FARP1: variants seen among roughly 807,000 people sequenced by gnomAD.
FARP1 encodes FERM, ARH/RhoGEF and pleckstrin domain protein 1.
FARP1 carries 52 observed loss-of-function variants against 128.8 expected under a neutral mutation model. That is an observed-to-expected ratio of 0.40 (90% CI 0.32 to 0.51). The LOEUF is 0.51. Among genes scored for constraint, FARP1 ranks in the 20% least tolerant of loss-of-function variants. The probability of loss-of-function intolerance (pLI) is 0.45; values close to 1 mark genes in which losing one functional copy is unlikely to be tolerated. For synonymous variants in FARP1, 580 were observed against 551.8 expected, an observed-to-expected ratio of 1.05 and a Z score of -0.72; for missense variants, 1,333 against 1,367.9, an observed-to-expected ratio of 0.97 and a Z score of 0.40.
intron 2 of FARP1, chr13:98,244,941 C>T (rs1405625434): frequency 1.5e-6 from 2 of 1,335,794 alleles, no homozygotes; most frequent in Non-Finnish European, 1.9e-6. Flanking sequence ...GATTTGGTGC[C>T]TCTTAAAGGG....
chr13:98,239,395 G>C (rs1248624380), intron 2 of FARP1, among the ~76,000 whole-genome samples: 2 of 152,274 alleles, frequency 1.3e-5, no homozygotes, highest in East Asian at 3.9e-4. Context: ...GAGCTCTTTG[G>C]GCCTGAGTTT....
rs1186809639 is a variant in FARP1, at chr13:98,213,252, A to G, written c.10A>G (p.Ile4Val). 2 of 1,612,530 alleles carry G rather than the reference A, an allele frequency of 1.2e-6. No homozygotes were observed. Among genetic ancestry groups the G allele is most frequent in the African/African-American group, 1.3e-5 (1 of 74,716 alleles). ...CTAAGCCGCTTTCATCATGGGAGAA[A>G]TAGAGCAGAGGCCGACCCCAGGATC... MGEIEQRPTPGSRL... is the reference protein window; with the variant it reads MGEVEQRPTPGSRL... The change falls in exon 2 of 27, where the codon ATA (isoleucine) becomes GTA (valine). Residue 4 changes from isoleucine to valine, a missense_variant. Ile to Val is a conservative substitution (Grantham distance 29, BLOSUM62 3). This residue lies in a region of FARP1 where 324 missense variants were observed against 398.1 expected (regional missense o/e 0.81). Transcript: ENST00000319562.
At chr13:98,382,661 G>A (rs1304939826) in intron 6 of FARP1, 1 of 152,104 alleles carries the variant, frequency 6.6e-6, no homozygotes, top group Non-Finnish European at 1.5e-5. Flanking sequence ...GGTCATTTGT[G>A]GATGGCGAAA....
intron 2 of FARP1, among the ~76,000 whole-genome samples, chr13:98,296,514 A>AC (rs11434354): frequency 0.68 from 102,879 of 150,222 alleles, 35,888 homozygotes; most frequent in African/African-American, 0.83. Flanking sequence ...GAAGACAGGG[A>AC]CCCCCCGCTC....
At chr13:98,272,193 C>G (rs542746365) in intron 2 of FARP1, among the ~76,000 whole-genome samples, 160 of 152,134 alleles carry the variant, frequency 1.1e-3, no homozygotes, top group African/African-American at 3.6e-3. Context: ...CCACGCCAGT[C>G]TAGTTTTTGT....
chr13:98,184,674 G>T (rs1367346770), intron 1 of FARP1, among the ~76,000 whole-genome samples: 1 of 151,962 alleles, frequency 6.6e-6, no homozygotes, highest in African/African-American at 2.4e-5. Context: ...TTTGGTGATG[G>T]TGTATAGCAG....
chr13:98,327,530 T>G (rs1395101216), intron 2 of FARP1, among the ~76,000 whole-genome samples: 1 of 152,214 alleles, frequency 6.6e-6, no homozygotes, highest in Non-Finnish European at 1.5e-5. Flanking sequence ...GTGCTAAATC[T>G]CAGGCTTCCT....
chr13:98,444,261 C>A (rs975205388), intron 24 of FARP1, among the ~76,000 whole-genome samples: 1 of 152,100 alleles, frequency 6.6e-6, no homozygotes, highest in Non-Finnish European at 1.5e-5. Context: ...TTGACTCGAT[C>A]GCATCTGCAG....
At chr13:98,322,313 A>C (rs1378923271) in intron 2 of FARP1, among the ~76,000 whole-genome samples, 1 of 152,162 alleles carries the variant, frequency 6.6e-6, no homozygotes, top group African/African-American at 2.4e-5. Context: ...ACAAACAAAC[A>C]AAAAAATGTG....
In FARP1 at chr13:98,450,447, TAAGG is replaced by T. The variant is rs1893134303; in HGVS notation, c.*2135_*2138del. ...GCAATGCAGGGATAAAACTATTGGA[TAAGG>T]AAGGCAGATGCACTTCCAAGAAAAT... On this transcript the variant is annotated 3_prime_UTR_variant, in exon 27 of 27. Coordinates refer to ENST00000319562, the MANE Select transcript of FARP1 (RefSeq NM_005766.4). 1.3e-5 allele frequency: 2 copies of T among 152,186 alleles called. No individual in the cohort carries two copies. The highest frequency in any genetic ancestry group is 1.3e-4 in the Admixed American group (2 of 15,286). 9.4% of individuals were successfully genotyped at this position (152,186 alleles called of 1,614,324 possible).
chr13:98,238,970 G>C (rs921898755), intron 2 of FARP1, among the ~76,000 whole-genome samples: 6 of 152,104 alleles, frequency 3.9e-5, no homozygotes, highest in African/African-American at 9.7e-5. Context: ...CTTAGCATGC[G>C]TTACCTTTGT....
chr13:98,177,215 C>G (rs1208835883), intron 1 of FARP1: 2 of 1,566,114 alleles, frequency 1.3e-6, no homozygotes, highest in East Asian at 4.5e-5. Context: ...GCCGTCCTTC[C>G]TGGAGAAGGT....
intron 2 of FARP1, among the ~76,000 whole-genome samples, chr13:98,281,703 T>C (rs558102584): frequency 2.7e-4 from 41 of 152,362 alleles, no homozygotes; most frequent in African/African-American, 8.4e-4. Flanking sequence ...ATGATGAGTC[T>C]TTGGCATTTG....
intron 3 of FARP1, among the ~76,000 whole-genome samples, chr13:98,355,311 A>G (rs1888597694): frequency 6.6e-6 from 1 of 152,140 alleles, no homozygotes; most frequent in Non-Finnish European, 1.5e-5. Context: ...GAGCCACTGT[A>G]CTCCAGCCTG....
At chr13:98,307,088 G>A (rs971068050) in intron 2 of FARP1, among the ~76,000 whole-genome samples, 3 of 152,330 alleles carry the variant, frequency 2.0e-5, no homozygotes, top group Admixed American at 6.5e-5. Flanking sequence ...ACAGGACAGA[G>A]ATGAGAGGTC....
Position 98,229,503 on chromosome 13 carries a change from C to CT in FARP1, c.171+16102dup, listed in dbSNP as rs1177929878. Among the ~76,000 whole-genome samples the CT allele has an allele frequency of 1.8e-3, 252 of 143,226 alleles. 3 individuals are homozygous for CT. The highest frequency in any genetic ancestry group is 5.3e-3 in the South Asian group (24 of 4,524). 94.0% of individuals were successfully genotyped at this position (143,226 alleles called of 152,430 possible). A position where few individuals can be genotyped will look rare whatever the true frequency, so the allele number is the denominator to read the frequency against. ...ACATTAATAACATAATCTCAGATTTCTTTTTTTTTTTTGGAGACAGGGTCT... is the reference window on the plus strand; with the variant it reads ...ACATTAATAACATAATCTCAGATTTCTTTTTTTTTTTTTGGAGACAGGGTCT... On this transcript the variant is annotated intron_variant, in intron 2 of 26. Transcript: ENST00000319562.
At chr13:98,221,268 C>T (rs1203250414) in intron 2 of FARP1, among the ~76,000 whole-genome samples, 3 of 152,186 alleles carry the variant, frequency 2.0e-5, no homozygotes, top group Admixed American at 6.5e-5. Context: ...TGTTCTTTCA[C>T]GGAATTGAGG....
chr13:98,441,808 T>A (rs1594544154), intron 24 of FARP1, among the ~76,000 whole-genome samples: 1 of 151,828 alleles, frequency 6.6e-6, no homozygotes, highest in Admixed American at 6.6e-5. Context: ...AGGCAGGAGG[T>A]GGGCAGGGAA....
intron 3 of FARP1, among the ~76,000 whole-genome samples, chr13:98,362,727 C>G (rs757669062): frequency 6.6e-6 from 1 of 152,190 alleles, no homozygotes; most frequent in African/African-American, 2.4e-5. Context: ...TACTGTCTCT[C>G]CCTGTATGAT....
Sources: allele counts gnomAD v4.1 joint callset (sites outside exome capture counted in the v4.1 genomes callset), GRCh38; gene constraint gnomAD v4.1.1; regional missense constraint gnomAD v4.1.1; transcripts MANE v1.5; gene names NCBI Gene and HGNC (gene_info 2026-07-23, HGNC 2026-07-21).